The following ERICH2 variants were observed in gnomAD, a reference collection of about 807,000 sequenced individuals.
ERICH2 encodes glutamate rich 2.
In ERICH2, 17 loss-of-function variants were observed where a neutral mutation model predicts 17.4. The ratio of observed to expected loss-of-function variants is 0.98; its 90% CI spans 0.67 to 1.47. The LOEUF (loss-of-function observed/expected upper bound fraction) is 1.47. Ranked by LOEUF, ERICH2 falls within the 40% of genes most tolerant of loss-of-function variation. The pLI is 0.00. For missense variants in ERICH2, 186 were observed against 183.2 expected (o/e 1.01, Z -0.09); for synonymous variants, 51 against 61.1 (o/e 0.83, Z 0.77).
exon 1 of ERICH2, chr2:170,783,800 G>T (rs1168916323): frequency 4.0e-5 from 62 of 1,550,232 alleles, no homozygotes; most frequent in Non-Finnish European, 5.4e-5. Flanking sequence ...CAGTCTACAG[G>T]CTAGGTGCAC....
At chr2:170,772,814 C>G in the ERICH2 span, among the ~76,000 whole-genome samples, 1 of 152,140 alleles carries the variant, frequency 6.6e-6, no homozygotes, top group Non-Finnish European at 1.5e-5. Flanking sequence ...AGCTAGCTAG[C>G]TATTTATTCA....
intron 3 of ERICH2, among the ~76,000 whole-genome samples, chr2:170,795,396 G>A (rs977098540): frequency 2.6e-5 from 4 of 152,166 alleles, no homozygotes; most frequent in Admixed American, 1.3e-4. Flanking sequence ...CACCCAGGCT[G>A]GAGTGCAGTG....
chr2:170,793,286 A>G (rs1701334755), intron 3 of ERICH2, among the ~76,000 whole-genome samples: 1 of 152,230 alleles, frequency 6.6e-6, no homozygotes. Context: ...TTGAGTGCCT[A>G]CACATGCCAG....
At chr2:170,781,031 C>T (rs930351363), upstream of ERICH2, among the ~76,000 whole-genome samples, 3 of 152,284 alleles carry the variant, frequency 2.0e-5, no homozygotes, top group African/African-American at 7.2e-5. Flanking sequence ...CTTTGCTGTG[C>T]ATTTTTCATT....
intron 3 of ERICH2, among the ~76,000 whole-genome samples, chr2:170,793,351 C>T (rs1701337287): frequency 6.6e-6 from 1 of 152,192 alleles, no homozygotes; most frequent in African/African-American, 2.4e-5. Flanking sequence ...GACAATCCCA[C>T]ATTTGTGTCT....
At chr2:170,781,069 A>G (rs1032362349), upstream of ERICH2, among the ~76,000 whole-genome samples, 15 of 152,144 alleles carry the variant, frequency 9.9e-5, no homozygotes, top group South Asian at 2.1e-4. Flanking sequence ...CTTTAGCCAT[A>G]TATACTGGGG....
At chr2:170,797,916 T>G in intron 3 of ERICH2, 125 bp from the exon 9 acceptor site, 1 of 635,190 alleles carries the variant, frequency 1.6e-6, no homozygotes, top group South Asian at 2.0e-5. Context: ...GGTATAATTG[T>G]TAGTGTTTAT....
chr2:170,796,440 G>T (rs4668320), intron 3 of ERICH2, among the ~76,000 whole-genome samples: 3,638 of 82,786 alleles, frequency 0.044, 181 homozygotes, highest in Admixed American at 0.17. Flanking sequence ...TTTTTTTTTT[G>T]TTTTTTTTTT....
At chr2:170,798,076 G>A in exon 4 of ERICH2, 1 of 1,549,474 alleles carries the variant, frequency 6.5e-7, no homozygotes, top group Non-Finnish European at 8.7e-7. Context: ...TGAGGCCAAG[G>A]AGTTTTTCAC....
At chr2:170,794,404 G>C (rs190245129) in intron 3 of ERICH2, among the ~76,000 whole-genome samples, 1 of 151,984 alleles carries the variant, frequency 6.6e-6, no homozygotes, top group Non-Finnish European at 1.5e-5. Context: ...ATAGCACCTG[G>C]CTCTCTTTCT....
chr2:170,781,126 T>G (rs1320637199), upstream of ERICH2, among the ~76,000 whole-genome samples: 1 of 152,226 alleles, frequency 6.6e-6, no homozygotes, highest in East Asian at 1.9e-4. Flanking sequence ...TGTAACAACC[T>G]GGTCAACCTA....
chr2:170,789,088 G>A (rs1701222758), intron 2 of ERICH2, among the ~76,000 whole-genome samples: 1 of 151,368 alleles, frequency 6.6e-6, no homozygotes, highest in African/African-American at 2.4e-5. Context: ...AGCCTCCTGA[G>A]TAGCTGAGAT....
chr2:170,793,001 T>A, intron 3 of ERICH2, 81 bp downstream of exon 8: 1 of 792,666 alleles, frequency 1.3e-6, no homozygotes, highest in Non-Finnish European at 2.0e-6. Flanking sequence ...AATGGCTTGA[T>A]TATCATAGGT....
intron 2 of ERICH2, among the ~76,000 whole-genome samples, chr2:170,788,381 A>T (rs1302796717): frequency 1.3e-5 from 2 of 152,208 alleles, no homozygotes; most frequent in East Asian, 3.8e-4. Flanking sequence ...AATTCAGATA[A>T]TATGAGATTG....
At chr2:170,775,999 A>C in the ERICH2 span, among the ~76,000 whole-genome samples, 5 of 152,182 alleles carry the variant, frequency 3.3e-5, no homozygotes, top group Non-Finnish European at 7.3e-5. Context: ...GTGTGGGAAC[A>C]AGTGTTAGAG....
At chr2:170,793,038 GTGATTCCT>G in intron 3 of ERICH2, 118 bp downstream of exon 8, 1 of 513,918 alleles carries the variant, frequency 1.9e-6, no homozygotes, top group Non-Finnish European at 3.4e-6. Context: ...TAGTGTCTCA[GTGATTCCT>G]TGATAATAAA....
chr2:170,774,566 T>TC, the ERICH2 span, among the ~76,000 whole-genome samples: 48,762 of 90,752 alleles, frequency 0.54, 10,754 homozygotes, highest in East Asian at 0.67. Flanking sequence ...AGCCCCATCT[T>TC]TTTTTTTTTT....
intron 2 of ERICH2, among the ~76,000 whole-genome samples, chr2:170,785,831 T>C (rs1701147524): frequency 6.6e-6 from 1 of 152,124 alleles, no homozygotes; most frequent in South Asian, 2.1e-4. Flanking sequence ...AAATTATACA[T>C]AAGCATTTAC....
At chr2:170,795,363 T>G in intron 3 of ERICH2, among the ~76,000 whole-genome samples, 1 of 152,002 alleles carries the variant, frequency 6.6e-6, no homozygotes, top group Non-Finnish European at 1.5e-5. Flanking sequence ...TATTACTATT[T>G]TTGAGGCACG....
Sources: gnomAD v4.1 joint callset for allele counts (sites outside exome capture counted in the v4.1 genomes callset) on GRCh38, gnomAD v4.1.1 for gene constraint, MANE v1.5 for transcripts, NCBI Gene and HGNC (gene_info 2026-07-23, HGNC 2026-07-21) for gene names.